ARHGAP22: variants seen among roughly 807,000 people sequenced by gnomAD.
The protein encoded by ARHGAP22 is Rho GTPase activating protein 22, also known as rho GTPase-activating protein 22.
A neutral mutation model predicts 59.1 loss-of-function variants in ARHGAP22; 48 were observed. The ratio of observed to expected loss-of-function variants is 0.81; its 90% confidence interval spans 0.64 to 1.03. ARHGAP22 has a LOEUF of 1.03. Ranked by LOEUF, ARHGAP22 falls within the 50% of genes least tolerant of loss-of-function variation. ARHGAP22 has a pLI of 0.00. For missense variants in ARHGAP22, 1,015 were observed against 958.7 expected (o/e 1.06, Z -0.78); for synonymous variants, 445 against 416.4 (o/e 1.07, Z -0.84).
At chr10:48,527,621 G>A (rs527253353) in intron 3 of ARHGAP22, among the ~76,000 whole-genome samples, 1 of 152,320 alleles carries the variant, frequency 6.6e-6, no homozygotes, top group African/African-American at 2.4e-5. Flanking sequence ...AGAAGAATGG[G>A]TAGTTTTCCC....
chr10:48,486,818 G>A (rs1286260836), intron 3 of ARHGAP22, among the ~76,000 whole-genome samples: 1 of 152,098 alleles, frequency 6.6e-6, no homozygotes, highest in African/African-American at 2.4e-5. Flanking sequence ...TTGAGTGTGG[G>A]AATCATTAAT....
rs1564946978 is a variant in ARHGAP22, at chr10:48,589,093, T to C, written c.35-5941A>G. On this transcript the variant is annotated intron_variant, in intron 1 of 9. Coordinates refer to ENST00000249601, the MANE Select transcript of ARHGAP22 (RefSeq NM_021226.4). ...GCACATCTTGAGAGGGTGGCCCACATACCTGCCTCTCCTTCCTCACCCCCC... is the reference window on the plus strand; with the variant it reads ...GCACATCTTGAGAGGGTGGCCCACACACCTGCCTCTCCTTCCTCACCCCCC... Among the ~76,000 whole-genome samples, 3 of 152,262 alleles carry C rather than the reference T, an allele frequency of 2.0e-5. No individual in the cohort carries two copies. The East Asian group carries it at 5.8e-4, about 29-fold the overall frequency.
chr10:48,651,983 T>C (rs559800317), intron 1 of ARHGAP22, among the ~76,000 whole-genome samples: 1 of 152,240 alleles, frequency 6.6e-6, no homozygotes, highest in East Asian at 1.9e-4. Flanking sequence ...ATCAGAGCCC[T>C]GAGTCATTAG....
chr10:48,571,536 A>G (rs757129071), intron 2 of ARHGAP22, among the ~76,000 whole-genome samples: 5 of 152,144 alleles, frequency 3.3e-5, no homozygotes, highest in Non-Finnish European at 7.4e-5. Context: ...TCTAATTTCT[A>G]TGCATCTTAA....
chr10:48,588,240 G>A (rs999344584), intron 1 of ARHGAP22, among the ~76,000 whole-genome samples: 31 of 152,248 alleles, frequency 2.0e-4, no homozygotes, highest in African/African-American at 3.6e-4. Context: ...GTAGATGTAG[G>A]CATCCCCGAG....
chr10:48,558,438 C>T (rs2057461636), intron 2 of ARHGAP22, among the ~76,000 whole-genome samples: 1 of 151,932 alleles, frequency 6.6e-6, no homozygotes, highest in Non-Finnish European at 1.5e-5. Context: ...TCATGGCTTA[C>T]TGCAGCCTCT....
chr10:48,448,248 C>T (rs1030405909), intron 9 of ARHGAP22, among the ~76,000 whole-genome samples: 9 of 152,244 alleles, frequency 5.9e-5, no homozygotes, highest in African/African-American at 2.2e-4. Flanking sequence ...GTGCTGGCTG[C>T]AGCTCTGGGG....
chr10:48,586,091 C>A (rs190665714), intron 1 of ARHGAP22, among the ~76,000 whole-genome samples: 1 of 152,242 alleles, frequency 6.6e-6, no homozygotes, highest in East Asian at 1.9e-4. Flanking sequence ...TTAGAGTGTG[C>A]TTCCCTCCTT....
At chr10:48,614,271 G>C (rs765857126) in intron 1 of ARHGAP22, among the ~76,000 whole-genome samples, 4 of 152,246 alleles carry the variant, frequency 2.6e-5, no homozygotes, top group Non-Finnish European at 5.9e-5. Context: ...GCTGATGAGA[G>C]AGTTAGACAG....
At chr10:48,648,316 C>A (rs1187955046) in intron 1 of ARHGAP22, among the ~76,000 whole-genome samples, 1 of 152,148 alleles carries the variant, frequency 6.6e-6, no homozygotes, top group Non-Finnish European at 1.5e-5. Flanking sequence ...TCATTAAAAT[C>A]TCCAGGCCCC....
the ARHGAP22 span, chr10:48,436,197 T>C: frequency 2.0e-5 from 3 of 152,394 alleles, no homozygotes; most frequent in Admixed American, 2.0e-4. Context: ...GATATCATTT[T>C]CTAAGGACTG....
the ARHGAP22 span, chr10:48,431,079 A>G: frequency 4.3e-6 from 3 of 690,668 alleles, no homozygotes; most frequent in Non-Finnish European, 7.8e-6. Context: ...TGTCATTGTA[A>G]GGACACTGTT....
chr10:48,440,822 G>A, the ARHGAP22 span, among the ~76,000 whole-genome samples: 1 of 152,218 alleles, frequency 6.6e-6, no homozygotes, highest in African/African-American at 2.4e-5. Context: ...GTGCAGTTAG[G>A]CTGGAGGTGT....
intron 7 of ARHGAP22, 129 bp from the exon 8 acceptor site, chr10:48,453,554 A>C: frequency 7.2e-7 from 1 of 1,380,112 alleles, no homozygotes; most frequent in Non-Finnish European, 1.0e-6. Context: ...CACTGGGTGT[A>C]GCCTGCCTCT....
chr10:48,450,012 C>T (rs538704503), intron 9 of ARHGAP22, among the ~76,000 whole-genome samples: 2 of 152,384 alleles, frequency 1.3e-5, no homozygotes, highest in African/African-American at 4.8e-5. Context: ...GCTGGGCAGG[C>T]ATTCCCACTT....
chr10:48,433,661 A>G, the ARHGAP22 span, among the ~76,000 whole-genome samples: 1 of 152,100 alleles, frequency 6.6e-6, no homozygotes, highest in African/African-American at 2.4e-5. Flanking sequence ...CCCTCCCTAA[A>G]GATTTTCCTA....
intron 1 of ARHGAP22, among the ~76,000 whole-genome samples, chr10:48,646,214 T>A (rs2062290325): frequency 6.6e-6 from 1 of 152,188 alleles, no homozygotes; most frequent in African/African-American, 2.4e-5. Flanking sequence ...AGTACATTTC[T>A]TTCTCATGAA....
chr10:48,481,597 CCT>C (rs1355479586), intron 3 of ARHGAP22, among the ~76,000 whole-genome samples: 1 of 152,176 alleles, frequency 6.6e-6, no homozygotes, highest in African/African-American at 2.4e-5. Context: ...GAGCTGTGCC[CCT>C]GTCCTGGGTC....
chr10:48,438,652 T>C, the ARHGAP22 span: 1 of 152,262 alleles, frequency 6.6e-6, no homozygotes, highest in African/African-American at 2.4e-5. Context: ...TTTTCTATGC[T>C]TTCCCAAGTA....
Sources: gnomAD v4.1 joint callset for allele counts (sites outside exome capture counted in the v4.1 genomes callset) on GRCh38, gnomAD v4.1.1 for gene constraint, MANE v1.5 for transcripts, NCBI Gene and HGNC (gene_info 2026-07-23, HGNC 2026-07-21) for gene names.